The following COPS3 variants were observed in gnomAD, a reference collection of about 807,000 sequenced individuals.
The protein encoded by COPS3 is COP9 signalosome subunit 3.
A neutral mutation model predicts 58.2 loss-of-function variants in COPS3; 10 were observed. The ratio of observed to expected loss-of-function variants is 0.17; its 90% CI spans 0.11 to 0.29. The LOEUF is 0.29. COPS3 is among the 10% of genes least tolerant of loss of function. The pLI, the probability that COPS3 is intolerant of heterozygous loss-of-function variation, is 1.00. For synonymous variants in COPS3, 187 were observed against 181.7 expected (o/e 1.03, Z -0.24); for missense variants, 333 against 510.1 (o/e 0.65, Z 3.34).
At chr17:17,280,744 G>A (rs1322505341) in intron 1 of COPS3, 13 of 1,246,234 alleles carry the variant, frequency 1.0e-5, no homozygotes, top group Non-Finnish European at 1.2e-5. Context: ...CTGCGGATCG[G>A]CGGCAAAGAT....
At chr17:17,260,633 G>A (rs937787797) in intron 7 of COPS3, 159 bp from the exon 8 acceptor site, 22 of 572,140 alleles carry the variant, frequency 3.8e-5, no homozygotes, top group Non-Finnish European at 6.2e-5. Flanking sequence ...AAGAAACCCC[G>A]TCTCTACTAA....
chr17:17,247,646 T>A, intron 10 of COPS3, 86 bp from the exon 11 acceptor site: 1 of 1,324,602 alleles, frequency 7.5e-7, no homozygotes, highest in African/African-American at 1.4e-5. Context: ...ACAAGGGTGC[T>A]ATAGGTTCAC....
At position 17,275,982 on chromosome 17, in the gene COPS3, GCA is replaced by G. The variant is rs2048452702; in HGVS notation, c.185+51_185+52del. On this transcript the variant is annotated intron_variant, in intron 2 of 11. Coordinates refer to ENST00000268717, the MANE Select transcript of COPS3 (RefSeq NM_003653.4). ...ATAAATAAAAATAAAGCCAGGAAGT[GCA>G]CAGTGTTCCATTTTAACAAGCACAG... 67 of 1,507,286 alleles carry G rather than the reference GCA, an allele frequency of 4.4e-5. No homozygotes were observed. In the South Asian group the frequency reaches 7.9e-4, roughly 18 times the overall value. The allele number at this position is 1,507,286 out of a possible 1,614,324, so 93.4% of individuals were successfully genotyped here.
At chr17:17,280,418 T>C (rs1189184653) in intron 1 of COPS3, among the ~76,000 whole-genome samples, 9 of 133,624 alleles carry the variant, frequency 6.7e-5, no homozygotes, top group Non-Finnish European at 1.3e-4. Context: ...AAAAAAGCCG[T>C]GTGAGCTGGC....
chr17:17,257,806 AAAAAAGAAAAAG>A (rs752357148), intron 8 of COPS3, among the ~76,000 whole-genome samples: 3 of 147,822 alleles, frequency 2.0e-5, no homozygotes, highest in South Asian at 2.1e-4. Context: ...CAAAAAAAAA[AAAAAAGAAAAAG>A]AAAAAGAAAA....
At chr17:17,273,967 T>C (rs965840948) in intron 2 of COPS3, among the ~76,000 whole-genome samples, 4 of 152,206 alleles carry the variant, frequency 2.6e-5, no homozygotes, top group Admixed American at 6.5e-5. Context: ...CAGTGAGCTA[T>C]GCTTGCACCA....
chr17:17,280,785 A>C, intron 1 of COPS3: 1 of 1,253,042 alleles, frequency 8.0e-7, no homozygotes, highest in Non-Finnish European at 1.0e-6. Context: ...ACCGAAGGCA[A>C]GAGAGACAGA....
chr17:17,273,808 T>C (rs1474630774), intron 2 of COPS3, among the ~76,000 whole-genome samples: 1 of 152,180 alleles, frequency 6.6e-6, no homozygotes, highest in Non-Finnish European at 1.5e-5. Flanking sequence ...GCTGTGCTCA[T>C]GCCACTGCAC....
At position 17,246,798 on chromosome 17, in the gene COPS3, A is replaced by G. The variant is rs2047735083; in HGVS notation, c.*300T>C. ...GCTTATTAAAAACTTCAGAGGAGAA[A>G]AAAGTGATACAGAAGACACATTAAT... On this transcript the variant is annotated 3_prime_UTR_variant, in exon 12 of 12. Transcript: ENST00000268717. 2 of 322,518 alleles carry G rather than the reference A, an allele frequency of 6.2e-6. No individual in the cohort carries two copies. The highest frequency in any genetic ancestry group is 1.1e-5 in the Non-Finnish European group (2 of 174,626). The allele number at this position is 322,518 out of a possible 1,614,324, so 20.0% of individuals were successfully genotyped here. A position where few individuals can be genotyped will look rare whatever the true frequency, so the allele number is the denominator to read the frequency against.
At chr17:17,257,365 GAA>G (rs376052817) in intron 8 of COPS3, among the ~76,000 whole-genome samples, 15 of 122,066 alleles carry the variant, frequency 1.2e-4, no homozygotes, top group African/African-American at 3.1e-4. Flanking sequence ...CTCAGTCACA[GAA>G]AAAAAAAAAA....
At chr17:17,277,201 C>T (rs939722539) in intron 1 of COPS3, among the ~76,000 whole-genome samples, 2 of 152,164 alleles carry the variant, frequency 1.3e-5, no homozygotes, top group Non-Finnish European at 2.9e-5. Context: ...TCTCTAGACC[C>T]TCATCTCAGC....
intron 9 of COPS3, among the ~76,000 whole-genome samples, chr17:17,254,033 A>G (rs2047906875): frequency 6.6e-6 from 1 of 151,828 alleles, no homozygotes; most frequent in Non-Finnish European, 1.5e-5. Flanking sequence ...AGGGCTGGGC[A>G]CAGTGGCTCA....
At chr17:17,260,195 A>G (rs772040887) in intron 8 of COPS3, 106 bp downstream of exon 8, 57 of 1,103,776 alleles carry the variant, frequency 5.2e-5, no homozygotes, top group Non-Finnish European at 7.3e-5. Flanking sequence ...AAATCCTGCC[A>G]TGCTTTATCC....
At chr17:17,253,299 C>T (rs2047892055) in intron 9 of COPS3, among the ~76,000 whole-genome samples, 1 of 152,140 alleles carries the variant, frequency 6.6e-6, no homozygotes, top group Non-Finnish European at 1.5e-5. Flanking sequence ...CTTTGCCTGT[C>T]CTGAGCTAAG....
chr17:17,268,099 G>T, intron 4 of COPS3, 122 bp from the exon 5 acceptor site: 2 of 1,300,988 alleles, frequency 1.5e-6, no homozygotes, highest in Admixed American at 3.2e-5. Flanking sequence ...AGCAATATGA[G>T]GTTTCCATAC....
Position 17,276,148 on chromosome 17 carries a change from A to G in COPS3, c.72T>C (p.Leu24=), listed in dbSNP as rs754749892. 8 of 1,613,912 alleles carry G rather than the reference A, an allele frequency of 5.0e-6. No individual in the cohort carries two copies. The highest frequency in any genetic ancestry group is 4.5e-5 in the East Asian group (2 of 44,878). Residue 24 remains leucine (L), a synonymous_variant, in exon 2 of 12, where the codon CTT becomes CTC. Transcript: ENST00000268717. ...QLSAQGQMTQ[L]CELINKSGEL... is the part of the protein sequence containing the mutation. ...CCCCACTCTTGTTGATCAGTTCACA[A>G]AGCTGTGTCATTTGCCCTGGAAAAC... is the stretch of plus-strand genomic sequence containing the variant.
chr17:17,248,890 C>A, intron 10 of COPS3, 36 bp downstream of exon 10: 1 of 1,288,752 alleles, frequency 7.8e-7, no homozygotes. Context: ...TCTCAACCAT[C>A]AATTAAAAAA....
At chr17:17,261,774 G>T in intron 7 of COPS3, 192 bp downstream of exon 7, 2 of 520,080 alleles carry the variant, frequency 3.8e-6, no homozygotes, top group South Asian at 4.9e-5. Flanking sequence ...GTTTGAAAAC[G>T]GGTTCCTGAG....
In COPS3 at chr17:17,260,330, A is replaced by G. The variant is rs778601165; in HGVS notation, c.907T>C (p.Tyr303His). ...GLVKQCLSSL[Y>H]KKNIQRLTKT... ...GTTAGCCTCTGAATATTCTTCTTAT[A>G]AAGAGATGACAAGCATTGCTTCACC... Residue 303 changes from tyrosine (Y) to histidine (H), a missense_variant, in exon 8 of 12, where the codon TAT becomes CAT. Coordinates refer to ENST00000268717, the MANE Select transcript of COPS3 (RefSeq NM_003653.4). 6 of 1,614,090 alleles carry G rather than the reference A, an allele frequency of 3.7e-6. No individual in the cohort carries two copies. The highest frequency in any genetic ancestry group is 4.2e-6 in the Non-Finnish European group (5 of 1,179,976).
Sources: allele counts gnomAD v4.1 joint callset (sites outside exome capture counted in the v4.1 genomes callset), GRCh38; gene constraint gnomAD v4.1.1; transcripts MANE v1.5; gene names NCBI Gene and HGNC (gene_info 2026-07-23, HGNC 2026-07-21).